The following SLC9A9 variants were observed in gnomAD, a reference collection of about 807,000 sequenced individuals.
The protein encoded by SLC9A9 is solute carrier family 9 member A9.
In SLC9A9, 62 loss-of-function variants were observed where a neutral mutation model predicts 77.8. The observed-to-expected ratio is 0.80, with a 90% CI of 0.65 to 0.98. The LOEUF is 0.98. Among genes scored for constraint, SLC9A9 ranks in the 50% least tolerant of loss-of-function variants. The probability of loss-of-function intolerance (pLI) is 0.00; values close to 1 mark genes in which losing one functional copy is unlikely to be tolerated. For synonymous variants in SLC9A9, 320 were observed against 283.5 expected (o/e 1.13, Z -1.29); for missense variants, 775 against 774.9 (o/e 1.00, Z 0.00).
At chr3:143,312,468 G>A (rs1227728905) in intron 14 of SLC9A9, among the ~76,000 whole-genome samples, 6 of 152,332 alleles carry the variant, frequency 3.9e-5, no homozygotes, top group African/African-American at 9.6e-5. Flanking sequence ...GATGACATAC[G>A]CCAGAGCAGT....
intron 4 of SLC9A9, among the ~76,000 whole-genome samples, chr3:143,792,622 G>T (rs1267443628): frequency 2.0e-5 from 3 of 151,892 alleles, no homozygotes; most frequent in Non-Finnish European, 4.4e-5. Context: ...TGTTTTGGGG[G>T]TCCAATACTC....
chr3:143,516,856 T>C (rs535378664), intron 9 of SLC9A9, among the ~76,000 whole-genome samples: 345 of 152,300 alleles, frequency 2.3e-3, no homozygotes, highest in Middle Eastern at 3.4e-3. Context: ...TAAATGAGTA[T>C]ATAATTTTTC....
intron 14 of SLC9A9, among the ~76,000 whole-genome samples, chr3:143,295,505 C>G (rs1015612473): frequency 1.3e-5 from 2 of 152,182 alleles, no homozygotes; most frequent in Non-Finnish European, 2.9e-5. Flanking sequence ...TACATGGGAA[C>G]AAGAATGGTG....
intron 7 of SLC9A9, among the ~76,000 whole-genome samples, chr3:143,574,477 C>A (rs1225207644): frequency 1.3e-5 from 2 of 152,174 alleles, no homozygotes; most frequent in Admixed American, 6.5e-5. Flanking sequence ...GTGGGCCTAG[C>A]CTCATCCCTT....
chr3:143,800,183 A>G (rs767043431), intron 2 of SLC9A9, among the ~76,000 whole-genome samples: 2 of 152,116 alleles, frequency 1.3e-5, no homozygotes, highest in Non-Finnish European at 2.9e-5. Context: ...ATCCACAGGT[A>G]TGGGACACCT....
intron 3 of SLC9A9, among the ~76,000 whole-genome samples, chr3:143,795,298 A>AAAAAAAAAAAAAAAC (rs773512846): frequency 7.1e-6 from 1 of 140,212 alleles, no homozygotes; most frequent in African/African-American, 2.6e-5. Flanking sequence ...AAAAAAAAAA[A>AAAAAAAAAAAAAAAC]AACCCACTGG....
chr3:143,493,689 T>C lies in SLC9A9; in HGVS notation c.1279A>G (p.Ile427Val), dbSNP rs1238408911. 2.5e-6 allele frequency: 4 copies of C among 1,614,000 alleles called. No homozygotes were observed. The highest frequency in any genetic ancestry group is 2.5e-6 in the Non-Finnish European group (3 of 1,179,982). The change falls in exon 11 of 16, where the codon ATC becomes GTC. Residue 427 changes from isoleucine (I) to valine (V), a missense_variant. Coordinates refer to ENST00000316549, the MANE Select transcript of SLC9A9 (RefSeq NM_173653.4). ...ATCATGTGCTGAAAGTTCCAGGGGA[T>C]CTTCTGTTTTCGGCCTAGATTCAGG... is the stretch of plus-strand genomic sequence containing the variant. ...FLLNLGRKQK[I>V]PWNFQHMMMF...
intron 13 of SLC9A9, among the ~76,000 whole-genome samples, chr3:143,374,740 G>T (rs563478238): frequency 6.6e-6 from 1 of 151,790 alleles, no homozygotes; most frequent in Non-Finnish European, 1.5e-5. Flanking sequence ...TGGAAAATGG[G>T]GTATCCATCC....
intron 4 of SLC9A9, among the ~76,000 whole-genome samples, chr3:143,771,089 T>C (rs2007500721): frequency 6.6e-6 from 1 of 152,188 alleles, no homozygotes; most frequent in Non-Finnish European, 1.5e-5. Flanking sequence ...GATTATTTTC[T>C]ACCTATCCAA....
intron 14 of SLC9A9, 34 bp from the exon 15 acceptor site, chr3:143,269,014 G>T (rs745484539): frequency 2.0e-6 from 3 of 1,490,390 alleles, no homozygotes; most frequent in East Asian, 2.3e-5. Context: ...TTGTCAACAG[G>T]GAGTTAGGAT....
In SLC9A9 at chr3:143,838,407, G is replaced by A. The variant is rs77009738; in HGVS notation, c.176-6186C>T. Reference sequence around the variant, plus strand: ...ACAGCAGAGGACTGGAGAGTGTTCAGGAGGGAGAGGGTGTTGGCAAGGTGG... The same window carrying A: ...ACAGCAGAGGACTGGAGAGTGTTCAAGAGGGAGAGGGTGTTGGCAAGGTGG... On this transcript the variant is annotated intron_variant, in intron 1 of 15. Transcript: ENST00000316549. Among the ~76,000 whole-genome samples the A allele has an allele frequency of 6.1e-3, 934 of 152,294 alleles. 2 individuals carry two copies. Among genetic ancestry groups the A allele is most frequent in the Middle Eastern group, 0.02 (6 of 294 alleles).
chr3:143,383,337 A>C (rs1401371233), intron 12 of SLC9A9, among the ~76,000 whole-genome samples: 1 of 152,210 alleles, frequency 6.6e-6, no homozygotes. Flanking sequence ...TTAGCCATGC[A>C]CAGAAGTGAC....
chr3:143,599,876 C>A (rs1265929954), intron 6 of SLC9A9, among the ~76,000 whole-genome samples: 1 of 152,120 alleles, frequency 6.6e-6, no homozygotes, highest in South Asian at 2.1e-4. Flanking sequence ...AGAAAAATCC[C>A]AGAAACCAAA....
At chr3:143,375,055 A>G (rs2033151804) in intron 13 of SLC9A9, among the ~76,000 whole-genome samples, 1 of 152,206 alleles carries the variant, frequency 6.6e-6, no homozygotes, top group Non-Finnish European at 1.5e-5. Flanking sequence ...AAGTTGACAT[A>G]ATTTACACTT....
chr3:143,725,683 C>T (rs1037401131), intron 4 of SLC9A9, among the ~76,000 whole-genome samples: 22 of 129,674 alleles, frequency 1.7e-4, no homozygotes, highest in African/African-American at 6.4e-4. Flanking sequence ...GGGAATTGAA[C>T]AATGAGAACA....
chr3:143,712,878 A>C (rs1191560643), intron 4 of SLC9A9, among the ~76,000 whole-genome samples: 2 of 152,142 alleles, frequency 1.3e-5, no homozygotes, highest in Admixed American at 1.3e-4. Flanking sequence ...TTGGGAAGAG[A>C]TTACTCCTTT....
chr3:143,718,000 A>G (rs535895439), intron 4 of SLC9A9, among the ~76,000 whole-genome samples: 37 of 152,324 alleles, frequency 2.4e-4, no homozygotes, highest in African/African-American at 8.7e-4. Context: ...GAATCAGCTG[A>G]ACATGTTCAA....
chr3:143,432,856 G>A (rs1014418470), intron 12 of SLC9A9, among the ~76,000 whole-genome samples: 25 of 152,328 alleles, frequency 1.6e-4, no homozygotes, highest in African/African-American at 4.8e-4. Flanking sequence ...TTGATCTCCT[G>A]ACCTCATGAT....
intron 12 of SLC9A9, among the ~76,000 whole-genome samples, chr3:143,396,699 G>T (rs1423172872): frequency 6.6e-6 from 1 of 152,108 alleles, no homozygotes; most frequent in Non-Finnish European, 1.5e-5. Flanking sequence ...AATAGATATT[G>T]TTGTCTTTGC....
Sources: gnomAD v4.1 joint callset for allele counts (sites outside exome capture counted in the v4.1 genomes callset) on GRCh38, gnomAD v4.1.1 for gene constraint, MANE v1.5 for transcripts, NCBI Gene and HGNC (gene_info 2026-07-23, HGNC 2026-07-21) for gene names.